Variants in GNA12 observed in about 807,000 individuals in gnomAD.
The protein encoded by GNA12 is guanine nucleotide-binding protein subunit alpha-12.
In GNA12, 9 loss-of-function variants were observed where a neutral mutation model predicts 26.0. The ratio of observed to expected loss-of-function variants is 0.35; its 90% CI spans 0.21 to 0.60. The LOEUF (loss-of-function observed/expected upper bound fraction) is 0.60. GNA12 is among the 20% of genes least tolerant of loss of function. GNA12 has a pLI of 0.78. For synonymous variants in GNA12, 264 were observed against 219.6 expected, an observed-to-expected ratio of 1.20 and a Z score of -1.79; for missense variants, 405 against 525.8, an observed-to-expected ratio of 0.77 and a Z score of 2.25.
chr7:2,805,214 C>G (rs928329565), intron 1 of GNA12, among the ~76,000 whole-genome samples: 2 of 152,220 alleles, frequency 1.3e-5, no homozygotes, highest in African/African-American at 4.8e-5. Context: ...GAGGCCATAA[C>G]AATCTGCGTT....
At position 2,728,572 on chromosome 7, in the gene GNA12, C is replaced by G. The variant is rs922999215; in HGVS notation, c.*2609G>C. 6.6e-6 allele frequency: 1 copy of G among 152,532 alleles called. No individual in the cohort carries two copies. Among genetic ancestry groups the G allele is most frequent in the Non-Finnish European group, 1.5e-5 (1 of 68,024 alleles). 9.4% of individuals were successfully genotyped at this position (152,532 alleles called of 1,614,324 possible). A position where few individuals can be genotyped will look rare whatever the true frequency, so the allele number is the denominator to read the frequency against. On this transcript the variant is annotated 3_prime_UTR_variant, in exon 4 of 4. Coordinates refer to ENST00000275364, the MANE Select transcript of GNA12 (RefSeq NM_007353.3). The stretch of plus-strand genomic sequence containing the variant: ...GAGGAACAGATCTTATTTTGAGGAA[C>G]TTTATTGTTACATTTTTGCAATAAT...
chr7:2,749,879 A>G (rs1046105407), intron 2 of GNA12, among the ~76,000 whole-genome samples: 1 of 152,184 alleles, frequency 6.6e-6, no homozygotes, highest in Non-Finnish European at 1.5e-5. Context: ...AAGAGAAAAA[A>G]GATAAAGAAT....
chr7:2,841,621 T>C (rs1778990694), intron 1 of GNA12, among the ~76,000 whole-genome samples: 1 of 151,918 alleles, frequency 6.6e-6, no homozygotes, highest in East Asian at 1.9e-4. Flanking sequence ...TATCAAATTA[T>C]TTTCTTCCCT....
chr7:2,761,240 G>A (rs1025614728), intron 2 of GNA12, among the ~76,000 whole-genome samples: 3 of 152,088 alleles, frequency 2.0e-5, no homozygotes, highest in Admixed American at 1.3e-4. Context: ...CCTCCCGGCC[G>A]TGGATGGCAC....
rs1365999755 is a variant in GNA12 at position 2,819,166 on chromosome 7, A to G, written c.310-24023T>C. ...GCTGGTTCTGAGTTGCAGGGGCTGCAAGCAAGACTGGAGGGAGGCCTCCAG... is the reference window on the plus strand; with the variant it reads ...GCTGGTTCTGAGTTGCAGGGGCTGCGAGCAAGACTGGAGGGAGGCCTCCAG... On this transcript the variant is annotated intron_variant, in intron 1 of 3. Transcript: ENST00000275364. Among the ~76,000 whole-genome samples, 3 of 152,154 alleles carry G rather than the reference A, an allele frequency of 2.0e-5. No individual in the cohort carries two copies. In the East Asian group the frequency reaches 5.8e-4, roughly 29 times the overall value.
intron 1 of GNA12, among the ~76,000 whole-genome samples, chr7:2,825,602 G>A (rs1793465986): frequency 6.6e-6 from 1 of 152,210 alleles, no homozygotes; most frequent in Non-Finnish European, 1.5e-5. Context: ...CAGCTACTGT[G>A]GTCATTTCTG....
In GNA12 at chr7:2,843,906, C is replaced by A; in HGVS notation, c.256G>T (p.Asp86Tyr). 6.3e-7 allele frequency: 1 copy of A among 1,582,220 alleles called. No homozygotes were observed. Among genetic ancestry groups the A allele is most frequent in the Non-Finnish European group, 8.6e-7 (1 of 1,166,072 alleles). ...CGGAACTCCAGCAGCGCCTTCTGGT[C>A]GAACTCGCGGCCGTGGATGATGCGC... ...QMRIIHGREF[D>Y]QKALLEFRDT... is the part of the protein sequence containing the mutation. Residue 86 changes from aspartate to tyrosine, a missense_variant, in exon 1 of 4, where the codon GAC becomes TAC. Physicochemically the swap from Asp to Tyr is radical, Grantham distance 160. Coordinates refer to ENST00000275364, the MANE Select transcript of GNA12 (RefSeq NM_007353.3).
At chr7:2,820,352 G>C (rs1793321566) in intron 1 of GNA12, among the ~76,000 whole-genome samples, 1 of 150,112 alleles carries the variant, frequency 6.7e-6, no homozygotes. Flanking sequence ...CTGAATTGTA[G>C]GCTTTAAATG....
intron 1 of GNA12, among the ~76,000 whole-genome samples, chr7:2,829,173 A>T (rs762793067): frequency 2.0e-5 from 3 of 152,196 alleles, no homozygotes; most frequent in Non-Finnish European, 4.4e-5. Flanking sequence ...TATTCGTACA[A>T]AAGGCCCTTT....
intron 2 of GNA12, among the ~76,000 whole-genome samples, chr7:2,775,922 G>C (rs1003804325): frequency 6.6e-6 from 1 of 152,226 alleles, no homozygotes; most frequent in African/African-American, 2.4e-5. Flanking sequence ...GTACAGCTAG[G>C]CTTAATGCAG....
At chr7:2,739,856 G>C (rs1198181025) in intron 2 of GNA12, among the ~76,000 whole-genome samples, 2 of 152,122 alleles carry the variant, frequency 1.3e-5, no homozygotes, top group African/African-American at 2.4e-5. Context: ...ATTTTTAGTA[G>C]AGACGGGGGT....
At chr7:2,807,955 G>T (rs1255132030) in intron 1 of GNA12, among the ~76,000 whole-genome samples, 1 of 152,164 alleles carries the variant, frequency 6.6e-6, no homozygotes, top group Non-Finnish European at 1.5e-5. Context: ...GAGGAGCTAC[G>T]ATGAATTATT....
At chr7:2,756,939 T>C (rs969693020) in intron 2 of GNA12, among the ~76,000 whole-genome samples, 1 of 151,978 alleles carries the variant, frequency 6.6e-6, no homozygotes, top group Non-Finnish European at 1.5e-5. Context: ...CCGGGTGTGG[T>C]GGCACATGCC....
intron 1 of GNA12, among the ~76,000 whole-genome samples, chr7:2,842,330 T>TC (rs1306318126): frequency 1.3e-5 from 2 of 150,898 alleles, no homozygotes; most frequent in Admixed American, 1.3e-4. Flanking sequence ...TTATTTTTTT[T>TC]CACTGCCACT....
chr7:2,765,851 G>A (rs1037069291), intron 2 of GNA12, among the ~76,000 whole-genome samples: 1 of 151,360 alleles, frequency 6.6e-6, no homozygotes, highest in Admixed American at 6.6e-5. Context: ...GGCTGGTCTC[G>A]AACTCCTGAC....
intron 1 of GNA12, among the ~76,000 whole-genome samples, chr7:2,819,801 G>T (rs1793305276): frequency 6.6e-6 from 1 of 152,164 alleles, no homozygotes; most frequent in Non-Finnish European, 1.5e-5. Flanking sequence ...AAATGTTGCG[G>T]CCAATTCAGA....
intron 2 of GNA12, among the ~76,000 whole-genome samples, chr7:2,737,269 GTTTTGTT>G (rs1790238729): frequency 2.6e-5 from 1 of 38,112 alleles, no homozygotes; most frequent in Non-Finnish European, 5.4e-5. Context: ...TCACAGTTTT[GTTTTGTT>G]TTTTTTTTTT....
intron 2 of GNA12, among the ~76,000 whole-genome samples, chr7:2,767,688 C>G (rs897052288): frequency 6.6e-6 from 1 of 152,108 alleles, no homozygotes; most frequent in Admixed American, 6.5e-5. Context: ...ACCTTTAAAC[C>G]CTTAGCACCA....
chr7:2,808,107 C>T (rs1032469858), intron 1 of GNA12, among the ~76,000 whole-genome samples: 4 of 152,226 alleles, frequency 2.6e-5, no homozygotes, highest in Non-Finnish European at 5.9e-5. Context: ...GACAACTAAA[C>T]GGAAAATCTT....
Sources: gnomAD v4.1 joint callset for allele counts (sites outside exome capture counted in the v4.1 genomes callset) on GRCh38, gnomAD v4.1.1 for gene constraint, MANE v1.5 for transcripts, NCBI Gene and HGNC (gene_info 2026-07-23, HGNC 2026-07-21) for gene names.